ABCA2: variants seen among roughly 807,000 people sequenced by gnomAD.
ABCA2 encodes the protein ATP-binding cassette sub-family A member 2.
Under a neutral mutation model 262.8 loss-of-function variants are expected in ABCA2, and 84 were observed. The observed-to-expected ratio is 0.32, with a 90% CI of 0.27 to 0.38. The LOEUF is 0.38. ABCA2 is among the 10% of genes least tolerant of loss of function. The pLI, the probability that ABCA2 is intolerant of heterozygous loss-of-function variation, is 1.00. For missense variants in ABCA2, 2,662 were observed against 3,405.9 expected (o/e 0.78, Z 5.44); for synonymous variants, 1,696 against 1,502.9 (o/e 1.13, Z -2.97).
In ABCA2 at chr9:137,022,357, C is replaced by A; in HGVS notation, c.561G>T (p.Pro187=). The change falls in exon 6 of 49, where the codon CCG becomes CCT. Residue 187 remains proline, a synonymous_variant. Transcript: ENST00000341511. The part of the protein sequence containing the change: ...AQALLAARVD[P]PEVYHLLFGP... ...GGAGCTGTCCCTGCCTTACCTCGGG[C>A]GGGTCCACACGGGCGGCCAAGAGTG... 1 of 1,604,838 alleles carries A rather than the reference C, an allele frequency of 6.2e-7. No individual in the cohort carries two copies.
At position 137,015,100 on chromosome 9, in the gene ABCA2, G is replaced by A. The variant is rs903073170; in HGVS notation, c.3698-3C>T. ...GGGGCTGGATGCCAGCCCTGGCTCTGTGGGGGACGTGGGAGCAGGAAGGAA... is the reference window on the plus strand; with the variant it reads ...GGGGCTGGATGCCAGCCCTGGCTCTATGGGGGACGTGGGAGCAGGAAGGAA... On this transcript the variant is annotated splice_region_variant and splice_polypyrimidine_tract_variant and intron_variant, in intron 24 of 48. Coordinates refer to ENST00000341511, the MANE Select transcript of ABCA2 (RefSeq NM_001606.5). The A allele has an allele frequency of 6.4e-7, 1 of 1,569,512 alleles. No individual in the cohort carries two copies. Among genetic ancestry groups the A allele is most frequent in the Non-Finnish European group, 8.6e-7 (1 of 1,160,848 alleles).
At chr9:137,023,346 G>A (rs1034685639) in intron 3 of ABCA2, 26 of 684,036 alleles carry the variant, frequency 3.8e-5, no homozygotes, top group Non-Finnish European at 6.4e-5. Flanking sequence ...CACATGCCCT[G>A]GCACTCTCCC....
In ABCA2 at chr9:137,021,810, G is replaced by T; in HGVS notation, c.678+81C>A. 1 of 1,376,216 alleles carries T rather than the reference G, an allele frequency of 7.3e-7. No individual in the cohort carries two copies. The highest frequency in any genetic ancestry group is 1.0e-6 in the Non-Finnish European group (1 of 990,714). 85.3% of individuals were successfully genotyped at this position (1,376,216 alleles called of 1,614,324 possible). A position where few individuals can be genotyped will look rare whatever the true frequency, so the allele number is the denominator to read the frequency against. On this transcript the variant is annotated intron_variant, in intron 7 of 48. Transcript: ENST00000341511. This position sits in a 1 kb window ranked among gnomAD's most constrained non-coding sequence, Gnocchi z 6.0. Reference sequence around the variant, plus strand: ...GGAGGAGCTCCAAGTCACCAAAGGGGCCCTTTCCTCACCCACGGAGCAGAA... The same window carrying T: ...GGAGGAGCTCCAAGTCACCAAAGGGTCCCTTTCCTCACCCACGGAGCAGAA...
chr9:137,008,130 G>A (rs1010614539), intron 48 of ABCA2, 166 bp from the exon 49 acceptor site: 4 of 909,602 alleles, frequency 4.4e-6, no homozygotes, highest in South Asian at 1.5e-5. Flanking sequence ...TCCGTCTGCC[G>A]AGTCTGGGGG....
Position 137,010,006 on chromosome 9 carries a change from T to C in ABCA2, c.6472A>G (p.Ile2158Val), listed in dbSNP as rs1279091913. The change falls in exon 42 of 49, where the codon ATC (isoleucine) becomes GTC (valine). Residue 2158 changes from isoleucine (I) to valine (V), a missense_variant. By Grantham distance (29) the Ile-to-Val change is conservative (BLOSUM62 3). Transcript: ENST00000341511. ...ACCCGGGCCTCGTCCTTCCAGGAGA[T>C]CCCACGCAGCCGCGTGTACAGCTGC... ...HLQLYTRLRGISWKDEARVVK... is the reference protein window; with the variant it reads ...HLQLYTRLRGVSWKDEARVVK... 2 of 1,598,442 alleles carry C rather than the reference T, an allele frequency of 1.3e-6. No homozygotes were observed. The highest frequency in any genetic ancestry group is 1.3e-5 in the African/African-American group (1 of 74,662).
Position 137,012,439 on chromosome 9 carries a change from G to A in ABCA2, c.5187+46C>T, listed in dbSNP as rs45606041. 3.8e-3 allele frequency: 6,112 copies of A among 1,608,726 alleles called. 25 individuals are homozygous for A. The highest frequency in any genetic ancestry group is 5.3e-3 in the Middle Eastern group (32 of 6,058). ...TCAGACCTGGGTCCCTGCAGACCTC[G>A]GGCGGCGCTACACACAGCGGGGCCC... is the stretch of plus-strand genomic sequence containing the variant. On this transcript the variant is annotated intron_variant, in intron 32 of 48. Coordinates refer to ENST00000341511, the MANE Select transcript of ABCA2 (RefSeq NM_001606.5).
intron 10 of ABCA2, chr9:137,020,044 A>T: frequency 2.7e-6 from 1 of 377,110 alleles, no homozygotes; most frequent in East Asian, 5.4e-5. Context: ...ACACTCTGGA[A>T]GGTCTCTGGA....
chr9:137,021,718 TG>T lies in ABCA2; in HGVS notation c.679-109del. 1 of 1,316,736 alleles carries T rather than the reference TG, an allele frequency of 7.6e-7. No individual in the cohort carries two copies. Among genetic ancestry groups the T allele is most frequent in the Non-Finnish European group, 1.0e-6 (1 of 956,036 alleles). 81.6% of individuals were successfully genotyped at this position (1,316,736 alleles called of 1,614,324 possible). A position where few individuals can be genotyped will look rare whatever the true frequency, so the allele number is the denominator to read the frequency against. ...CCCACTGGCTGGCTCTGGGGCTGCC[TG>T]GGTCCCACGACATGCCTCTACCCCT... On this transcript the variant is annotated intron_variant, in intron 7 of 48. Coordinates refer to ENST00000341511, the MANE Select transcript of ABCA2 (RefSeq NM_001606.5). The surrounding 1 kb of genome is among the most constrained non-coding windows in gnomAD (Gnocchi z 6.0).
rs768488222 is a variant in ABCA2, at chr9:137,015,122, G to A, written c.3698-25C>T. ...TCTGTGGGGGACGTGGGAGCAGGAA[G>A]GAATTCACTCAGGGGCTGGGAGGAG... is the stretch of plus-strand genomic sequence containing the variant. On this transcript the variant is annotated intron_variant, in intron 24 of 48. Coordinates refer to ENST00000341511, the MANE Select transcript of ABCA2 (RefSeq NM_001606.5). 11 of 1,554,594 alleles carry A rather than the reference G, an allele frequency of 7.1e-6. No homozygotes were observed. The East Asian group carries it at 1.1e-4, about 16-fold the overall frequency.
At chr9:137,028,578 T>C (rs1475367083), upstream of ABCA2, 1 of 801,920 alleles carries the variant, frequency 1.2e-6, no homozygotes, top group African/African-American at 1.9e-5. The surrounding 1 kb of genome is among the most constrained non-coding windows in gnomAD (Gnocchi z 6.9). Context: ...CCCACCGCGC[T>C]GGCGACTCTG....
Position 137,011,754 on chromosome 9 carries a change from A to G in ABCA2, c.5536-5T>C. ...AGCGGGGACCAGGTAGTTGAGCTGC[A>G]GGGGTGGGGGCGGCTGGTGAGAGAC... On this transcript the variant is annotated splice_polypyrimidine_tract_variant and splice_region_variant and intron_variant, in intron 35 of 48. Transcript: ENST00000341511. The surrounding 1 kb of genome is among the most constrained non-coding windows in gnomAD (Gnocchi z 8.8). 7.7e-7 allele frequency: 1 copy of G among 1,292,626 alleles called. No individual in the cohort carries two copies. 80.1% of individuals were successfully genotyped at this position (1,292,626 alleles called of 1,614,324 possible).
Position 137,011,882 on chromosome 9 carries a change from G to A in ABCA2, c.5497C>T (p.Pro1833Ser), listed in dbSNP as rs1469129685. 6.2e-7 allele frequency: 1 copy of A among 1,610,268 alleles called. No homozygotes were observed. Among genetic ancestry groups the A allele is most frequent in the East Asian group, 2.2e-5 (1 of 44,754 alleles). Residue 1833 changes from proline (P) to serine (S), a missense_variant, in exon 35 of 49, where the codon CCC becomes TCC. Coordinates refer to ENST00000341511, the MANE Select transcript of ABCA2 (RefSeq NM_001606.5). The surrounding 1 kb of genome is among the most constrained non-coding windows in gnomAD (Gnocchi z 8.8). The stretch of plus-strand genomic sequence containing the variant: ...TAGTTCGCCAGCCAGTAGATGATGG[G>A]GTTGCAGCCGCTGACAAACTGCAGG... ...KHLQFVSGCNPIIYWLANYVW... is the reference protein window; with the variant it reads ...KHLQFVSGCNSIIYWLANYVW...
rs760274099 is a variant in ABCA2, at chr9:137,008,440, G to A, written c.7251C>T (p.Gly2417=). The change falls in exon 48 of 49, where the codon GGC becomes GGT. Residue 2417 remains glycine (G), a synonymous_variant. Coordinates refer to ENST00000341511, the MANE Select transcript of ABCA2 (RefSeq NM_001606.5). ...CCCGCTCCTCCTCGAAGCTGATGAG[G>A]CCCTCGTCCTCCGTGTCCAGGTCCT... ...EPEDLDTEDE[G]LISFEEERAQ... 4 of 1,553,106 alleles carry A rather than the reference G, an allele frequency of 2.6e-6. No homozygotes were observed. The highest frequency in any genetic ancestry group is 2.7e-5 in the African/African-American group (2 of 73,254).
chr9:137,026,308 T>C (rs893038681), intron 1 of ABCA2, among the ~76,000 whole-genome samples: 1 of 152,160 alleles, frequency 6.6e-6, no homozygotes, highest in Non-Finnish European at 1.5e-5. Flanking sequence ...CTGCCCAGGG[T>C]GCACCCCTGC....
intron 9 of ABCA2, 46 bp downstream of exon 9, chr9:137,020,648 G>A (rs1336706338): frequency 6.3e-7 from 1 of 1,592,250 alleles, no homozygotes. Context: ...CTCACGCCCT[G>A]CCCCTGGCTG....
Position 137,010,197 on chromosome 9 carries a change from G to T in ABCA2, c.6349C>A (p.His2117Asn). 1 of 1,602,438 alleles carries T rather than the reference G, an allele frequency of 6.2e-7. No homozygotes were observed. The highest frequency in any genetic ancestry group is 8.5e-7 in the Non-Finnish European group (1 of 1,178,360). Reference sequence around the variant, plus strand: ...CACCCAGGGCTCCCGCCCCACCTGTGTCCATTGACGAAGGCCTCGCCCCCC... The same window carrying T: ...CACCCAGGGCTCCCGCCCCACCTGTTTCCATTGACGAAGGCCTCGCCCCCC... ...TTGGEAFVNG[H>N]SVLKELLQVQ... The change falls in exon 41 of 49, where the codon CAC becomes AAC. Residue 2117 changes from histidine (H) to asparagine (N), a missense_variant. Transcript: ENST00000341511.
At chr9:137,014,637 G>C in intron 26 of ABCA2, 53 bp downstream of exon 26, 1 of 1,575,224 alleles carries the variant, frequency 6.3e-7, no homozygotes, top group African/African-American at 1.3e-5. Flanking sequence ...GCGCAGGCCC[G>C]AGCTGGGGCC....
rs565649025 is a variant in ABCA2, at chr9:137,014,603, C to T, written c.4003+87G>A. ...TTCCACCCAGGACCAGGGTGGCGCC[C>T]CCAGACACCAGGCAGGAGTGACAGC... On this transcript the variant is annotated intron_variant, in intron 26 of 48. Transcript: ENST00000341511. 2.3e-5 allele frequency: 35 copies of T among 1,525,574 alleles called. No homozygotes were observed. The African/African-American group carries it at 3.8e-4, about 17-fold the overall frequency. 94.5% of individuals were successfully genotyped at this position (1,525,574 alleles called of 1,614,324 possible).
chr9:137,023,926 C>A, intron 2 of ABCA2, 86 bp from the exon 3 acceptor site: 1 of 1,276,968 alleles, frequency 7.8e-7, no homozygotes, highest in Non-Finnish European at 1.1e-6. Flanking sequence ...GCCCACATCA[C>A]CAGGAAGAGG....
Sources: gnomAD v4.1 joint callset for allele counts (sites outside exome capture counted in the v4.1 genomes callset) on GRCh38, gnomAD v4.1.1 for gene constraint, Gnocchi (gnomAD v3.1) non-coding constraint, MANE v1.5 for transcripts, NCBI Gene and HGNC (gene_info 2026-07-23, HGNC 2026-07-21) for gene names.